Variants in SEMA3A observed in about 807,000 individuals in gnomAD.
SEMA3A encodes the protein semaphorin-3A.
A neutral mutation model predicts 97.9 loss-of-function variants in SEMA3A; 29 were observed. That is an observed-to-expected ratio of 0.30 (90% CI 0.22 to 0.40). SEMA3A has a LOEUF of 0.40. Ranked by LOEUF, SEMA3A falls within the 10% of genes least tolerant of loss-of-function variation. The probability of loss-of-function intolerance (pLI) is 1.00; values close to 1 mark genes in which losing one functional copy is unlikely to be tolerated. For missense variants in SEMA3A, 763 were observed against 951.3 expected (o/e 0.80, Z 2.60); for synonymous variants, 321 against 323.7 (o/e 0.99, Z 0.09).
At chr7:84,001,423 A>C (rs1790446411) in intron 12 of SEMA3A, among the ~76,000 whole-genome samples, 1 of 151,706 alleles carries the variant, frequency 6.6e-6, no homozygotes, top group Admixed American at 6.6e-5. Context: ...TTAAGCATGT[A>C]GACTAGGAAT....
chr7:84,265,297 A>G lies in SEMA3A; in HGVS notation c.-83+41910T>C, dbSNP rs150417706. Among the ~76,000 whole-genome samples, 379 of 151,890 alleles carry G rather than the reference A, an allele frequency of 2.5e-3. 1 individual carries two copies. The South Asian group carries it at 0.027, about 11-fold the overall frequency. ...TGCAGTGGCATGATCTCTGCACCCAATTCCAGAATGGAGCACAGCAACCCC... is the reference window on the plus strand; with the variant it reads ...TGCAGTGGCATGATCTCTGCACCCAGTTCCAGAATGGAGCACAGCAACCCC... On this transcript the variant is annotated intron_variant, in intron 3 of 3. Coordinates refer to the SEMA3A transcript ENST00000424555.
chr7:84,392,778 T>G (rs1410810161), intron 1 of SEMA3A, among the ~76,000 whole-genome samples: 2 of 152,184 alleles, frequency 1.3e-5, no homozygotes, highest in Non-Finnish European at 2.9e-5. Flanking sequence ...TCAATTTGCA[T>G]CTTCTTAATG....
At chr7:84,083,331 T>C (rs1319969181) in intron 4 of SEMA3A, among the ~76,000 whole-genome samples, 1 of 151,972 alleles carries the variant, frequency 6.6e-6, no homozygotes, top group African/African-American at 2.4e-5. Flanking sequence ...TACATAATAG[T>C]TGTACACATT....
At chr7:84,218,792 T>G (rs747264927) in intron 3 of SEMA3A, among the ~76,000 whole-genome samples, 3 of 152,090 alleles carry the variant, frequency 2.0e-5, no homozygotes, top group Non-Finnish European at 4.4e-5. Context: ...GAGACGACTC[T>G]ACTCTGGGTG....
rs573736615 is a variant in SEMA3A, at chr7:84,336,935, T to C, written c.-168-29643A>G. Among the ~76,000 whole-genome samples, 3 of 152,270 alleles carry C rather than the reference T, an allele frequency of 2.0e-5. No individual in the cohort carries two copies. In the East Asian group the frequency reaches 5.8e-4, roughly 29 times the overall value. On this transcript the variant is annotated intron_variant, in intron 2 of 3. Coordinates refer to the SEMA3A transcript ENST00000424555. ...TTTTTCTAAGAATAACATGGTTATC[T>C]ATATCATGCCAACACCTTCCCTAGA...
At chr7:84,221,344 C>T (rs1294304213) in intron 3 of SEMA3A, among the ~76,000 whole-genome samples, 1 of 152,042 alleles carries the variant, frequency 6.6e-6, no homozygotes, top group Non-Finnish European at 1.5e-5. Context: ...AGCAATAAAG[C>T]TGTTTTACCT....
intron 2 of SEMA3A, among the ~76,000 whole-genome samples, chr7:84,364,812 G>A (rs919484401): frequency 6.7e-6 from 1 of 149,750 alleles, no homozygotes; most frequent in Non-Finnish European, 1.5e-5. Flanking sequence ...TGAGGCCGTA[G>A]AGAGACTGAG....
chr7:84,366,243 C>CA (rs1007884514), intron 2 of SEMA3A, among the ~76,000 whole-genome samples: 1 of 151,160 alleles, frequency 6.6e-6, no homozygotes, highest in Admixed American at 6.6e-5. Context: ...TGAAAACTTA[C>CA]AACATCATAT....
At chr7:84,316,857 C>T (rs1801517578) in intron 2 of SEMA3A, among the ~76,000 whole-genome samples, 1 of 152,024 alleles carries the variant, frequency 6.6e-6, no homozygotes. Context: ...TGCGGTTTGT[C>T]AAAAACCTTT....
At chr7:84,470,345 CA>C (rs1562958094) in intron 1 of SEMA3A, among the ~76,000 whole-genome samples, 1 of 151,966 alleles carries the variant, frequency 6.6e-6, no homozygotes, top group Non-Finnish European at 1.5e-5. Context: ...TCTTCCTAAT[CA>C]AAAATATATT....
chr7:84,414,755 A>G (rs1804386247), intron 1 of SEMA3A, among the ~76,000 whole-genome samples: 2 of 152,130 alleles, frequency 1.3e-5, no homozygotes, highest in African/African-American at 4.8e-5. Context: ...CGAAATGAAC[A>G]AAGTGTAATT....
At chr7:84,304,219 TA>T (rs1009573568) in intron 3 of SEMA3A, among the ~76,000 whole-genome samples, 11 of 152,152 alleles carry the variant, frequency 7.2e-5, no homozygotes, top group African/African-American at 2.2e-4. Flanking sequence ...AATAGATTCA[TA>T]ACATGAAGTT....
Position 84,150,248 on chromosome 7 carries a change from G to A in SEMA3A, c.113-15297C>T, listed in dbSNP as rs555187875. Among the ~76,000 whole-genome samples, 44 of 152,284 alleles carry A rather than the reference G, an allele frequency of 2.9e-4. 1 individual carries two copies. In the South Asian group the frequency reaches 8.9e-3, roughly 31 times the overall value. On this transcript the variant is annotated intron_variant, in intron 1 of 16. Coordinates refer to ENST00000265362, the MANE Select transcript of SEMA3A (RefSeq NM_006080.3). The stretch of plus-strand genomic sequence containing the variant: ...TTGCTGTAGAAGCTGAGATTATGGC[G>A]AACAGGAACAGCTCCAGTCTACAGC...
At chr7:84,042,930 T>G (rs1359597050) in intron 6 of SEMA3A, among the ~76,000 whole-genome samples, 2 of 152,098 alleles carry the variant, frequency 1.3e-5, no homozygotes, top group African/African-American at 4.8e-5. Context: ...CAGCATAAAC[T>G]TATTTGTTTC....
chr7:84,229,179 T>C (rs78108140), intron 3 of SEMA3A, among the ~76,000 whole-genome samples: 1 of 152,108 alleles, frequency 6.6e-6, no homozygotes, highest in African/African-American at 2.4e-5. Context: ...AAAGTTTTTT[T>C]GTTATGTTTT....
intron 4 of SEMA3A, 114 bp downstream of exon 4, chr7:84,110,356 T>G: frequency 1.8e-6 from 2 of 1,112,316 alleles, no homozygotes; most frequent in Non-Finnish European, 2.6e-6. Context: ...GAGTTTGAAG[T>G]AGGTCCCACT....
At position 84,432,788 on chromosome 7, in the gene SEMA3A, A is replaced by G. The variant is rs184966446; in HGVS notation, c.-246+59672T>C. On this transcript the variant is annotated intron_variant, in intron 1 of 3. Coordinates refer to the SEMA3A transcript ENST00000424555. ...CCATATTTACTTTATCAAATCCACC[A>G]TTGATAGACATCTAGGTTGATTCCA... is the stretch of plus-strand genomic sequence containing the variant. Among the ~76,000 whole-genome samples, 128 of 151,628 alleles carry G rather than the reference A, an allele frequency of 8.4e-4. 1 individual carries two copies. The highest frequency in any genetic ancestry group is 3.5e-3 in the Middle Eastern group (1 of 288).
intron 2 of SEMA3A, among the ~76,000 whole-genome samples, chr7:84,320,965 G>T (rs73386926): frequency 2.6e-5 from 4 of 152,024 alleles, no homozygotes; most frequent in Non-Finnish European, 5.9e-5. Flanking sequence ...ATATATACTG[G>T]CCATCAATAT....
intron 1 of SEMA3A, among the ~76,000 whole-genome samples, chr7:84,185,475 C>T (rs1173080236): frequency 6.6e-6 from 1 of 151,544 alleles, no homozygotes; most frequent in Non-Finnish European, 1.5e-5. Context: ...AGTTCGAGAC[C>T]AGCCTGGACA....
Sources: allele counts gnomAD v4.1 joint callset (sites outside exome capture counted in the v4.1 genomes callset), GRCh38; gene constraint gnomAD v4.1.1; transcripts MANE v1.5; gene names NCBI Gene and HGNC (gene_info 2026-07-23, HGNC 2026-07-21).